Variants in NAALADL2 observed in about 807,000 individuals in gnomAD.
The protein encoded by NAALADL2 is N-acetylated alpha-linked acidic dipeptidase like 2, also known as inactive N-acetylated-alpha-linked acidic dipeptidase-like protein 2.
In NAALADL2, 76 loss-of-function variants were observed where a neutral mutation model predicts 87.2. The ratio of observed to expected loss-of-function variants is 0.87; its 90% CI spans 0.72 to 1.05. The LOEUF (loss-of-function observed/expected upper bound fraction) is 1.05, where lower values mean the gene tolerates loss of function less well. Among genes scored for constraint, NAALADL2 ranks in the 50% least tolerant of loss-of-function variants. The pLI, the probability that NAALADL2 is intolerant of heterozygous loss-of-function variation, is 0.00. For missense variants in NAALADL2, 1,089 were observed against 945.8 expected (o/e 1.15, Z -1.99); for synonymous variants, 354 against 331.0 (o/e 1.07, Z -0.75).
intron 3 of NAALADL2, among the ~76,000 whole-genome samples, chr3:174,787,621 A>ACACACAT (rs1578931205): frequency 9.2e-6 from 1 of 109,238 alleles, no homozygotes; most frequent in African/African-American, 3.1e-5. Context: ...ATATATATAT[A>ACACACAT]GTAGTGACTC....
At chr3:174,519,349 C>CA (rs1720125929) in intron 1 of NAALADL2, among the ~76,000 whole-genome samples, 2 of 129,336 alleles carry the variant, frequency 1.5e-5, no homozygotes, top group African/African-American at 6.0e-5. Flanking sequence ...TTTTTTGAGA[C>CA]AGAGTTTCAC....
At chr3:175,737,117 G>A (rs932851149) in intron 11 of NAALADL2, among the ~76,000 whole-genome samples, 189 bp from the exon 12 acceptor site, 2 of 151,908 alleles carry the variant, frequency 1.3e-5, no homozygotes, top group Non-Finnish European at 2.9e-5. Context: ...AGATACTGAG[G>A]TCTTTTTCTT....
At chr3:175,507,260 C>T (rs1330250692) in intron 9 of NAALADL2, among the ~76,000 whole-genome samples, 1 of 152,114 alleles carries the variant, frequency 6.6e-6, no homozygotes, top group African/African-American at 2.4e-5. Context: ...TGATCTACTC[C>T]TCTTCAGATA....
At chr3:175,488,733 A>T in intron 9 of NAALADL2, among the ~76,000 whole-genome samples, 1 of 152,350 alleles carries the variant, frequency 6.6e-6, no homozygotes, top group Middle Eastern at 3.4e-3. Flanking sequence ...TCTACTGATA[A>T]GTTATTGGAA....
chr3:175,772,869 T>G (rs1288780880), intron 13 of NAALADL2, among the ~76,000 whole-genome samples: 1 of 152,060 alleles, frequency 6.6e-6, no homozygotes, highest in Non-Finnish European at 1.5e-5. Flanking sequence ...TAGTGTTTCT[T>G]CTGCAACATT....
intron 9 of NAALADL2, among the ~76,000 whole-genome samples, chr3:175,552,010 A>G (rs536534358): frequency 6.6e-6 from 1 of 151,974 alleles, no homozygotes; most frequent in South Asian, 2.1e-4. Flanking sequence ...ATGTCAATGT[A>G]TCATTATTTT....
At chr3:175,647,492 CGTG>C (rs1730172425) in intron 11 of NAALADL2, among the ~76,000 whole-genome samples, 1 of 152,058 alleles carries the variant, frequency 6.6e-6, no homozygotes, top group South Asian at 2.1e-4. Flanking sequence ...TCATATTTCT[CGTG>C]GTGACAATTA....
chr3:175,237,396 A>G (rs1462535405), intron 3 of NAALADL2, among the ~76,000 whole-genome samples: 1 of 152,152 alleles, frequency 6.6e-6, no homozygotes, highest in Non-Finnish European at 1.5e-5. Context: ...TTACTTGAGC[A>G]CCATTTTTAT....
In NAALADL2 at chr3:175,609,107, GA is replaced by G. The variant is rs556238329; in HGVS notation, c.1801-18180del. Among the ~76,000 whole-genome samples, 150 of 151,802 alleles carry G rather than the reference GA, an allele frequency of 9.9e-4. 1 individual carries two copies. Among genetic ancestry groups the G allele is most frequent in the African/African-American group, 3.4e-3 (141 of 41,410 alleles). ...TAATTGCAGGATCATGAAATAGAATGAAAATAGACACCCAGATTAACAAAAG... is the reference window on the plus strand; with the variant it reads ...TAATTGCAGGATCATGAAATAGAATGAAATAGACACCCAGATTAACAAAAG... On this transcript the variant is annotated intron_variant, in intron 10 of 13. Coordinates refer to ENST00000454872, the MANE Select transcript of NAALADL2 (RefSeq NM_207015.3).
chr3:175,348,213 A>G (rs151300515), intron 5 of NAALADL2, among the ~76,000 whole-genome samples: 10,606 of 152,054 alleles, frequency 0.07, 368 homozygotes, highest in Middle Eastern at 0.088. Flanking sequence ...CACCACGCCC[A>G]GCTAATTTTG....
chr3:175,629,056 T>A (rs1156855454), intron 11 of NAALADL2, among the ~76,000 whole-genome samples: 9 of 150,334 alleles, frequency 6.0e-5, no homozygotes, highest in African/African-American at 2.2e-4. Flanking sequence ...TATAACAGGA[T>A]AGAAGTGCAC....
intron 2 of NAALADL2, among the ~76,000 whole-genome samples, chr3:174,713,940 C>T (rs983789609): frequency 1.3e-5 from 2 of 152,064 alleles, no homozygotes; most frequent in African/African-American, 4.8e-5. Flanking sequence ...TTAGGTCTAA[C>T]ATTTAAGTCT....
At chr3:175,118,605 G>C (rs190253740) in intron 2 of NAALADL2, among the ~76,000 whole-genome samples, 1 of 151,596 alleles carries the variant, frequency 6.6e-6, no homozygotes, top group African/African-American at 2.4e-5. Flanking sequence ...AACTTATTTG[G>C]TTGTCTCTTT....
intron 2 of NAALADL2, among the ~76,000 whole-genome samples, chr3:174,660,850 C>A (rs181223200): frequency 3.3e-5 from 5 of 152,120 alleles, no homozygotes; most frequent in Non-Finnish European, 5.9e-5. Flanking sequence ...ACCCAGAGTA[C>A]CTTTTATAAA....
rs184545378 is a variant in NAALADL2 at position 175,181,209 on chromosome 3, C to T, written c.546-52722C>T. Among the ~76,000 whole-genome samples the T allele has an allele frequency of 9.9e-4, 150 of 152,124 alleles. 2 individuals carry two copies. Among genetic ancestry groups the T allele is most frequent in the East Asian group, 5.8e-4 (3 of 5,170 alleles). The stretch of plus-strand genomic sequence containing the variant: ...CCTAGTTTTCCCACACAGTGTAGTA[C>T]CAAACCCCCTGAAATCATATATTTG... On this transcript the variant is annotated intron_variant, in intron 2 of 13. Coordinates refer to ENST00000454872, the MANE Select transcript of NAALADL2 (RefSeq NM_207015.3).
chr3:175,668,457 CTG>C (rs1005693795), intron 11 of NAALADL2, among the ~76,000 whole-genome samples: 2 of 151,886 alleles, frequency 1.3e-5, no homozygotes, highest in Non-Finnish European at 2.9e-5. Flanking sequence ...GAAAATGAGA[CTG>C]TCTAAAAACT....
chr3:175,597,072 CTT>C lies in NAALADL2; in HGVS notation c.1800+20888_1800+20889del, dbSNP rs375605080. Reference sequence around the variant, plus strand: ...CCTCTTTAGAGAGAATGCATAATGACTTTTATTTCTTCTGAAATATGCATAAC... The same window carrying C: ...CCTCTTTAGAGAGAATGCATAATGACTTATTTCTTCTGAAATATGCATAAC... On this transcript the variant is annotated intron_variant, in intron 10 of 13. Coordinates refer to ENST00000454872, the MANE Select transcript of NAALADL2 (RefSeq NM_207015.3). Among the ~76,000 whole-genome samples the C allele has an allele frequency of 1.8e-3, 277 of 152,046 alleles. 1 individual carries two copies. The highest frequency in any genetic ancestry group is 6.3e-3 in the African/African-American group (261 of 41,554).
intron 2 of NAALADL2, among the ~76,000 whole-genome samples, chr3:175,172,762 A>G (rs1204801026): frequency 2.0e-5 from 3 of 152,156 alleles, no homozygotes; most frequent in Admixed American, 6.5e-5. Flanking sequence ...GAAATGAGGC[A>G]GTGAGTTCTA....
chr3:174,819,421 A>C (rs1721182678), intron 3 of NAALADL2, among the ~76,000 whole-genome samples: 1 of 151,982 alleles, frequency 6.6e-6, no homozygotes, highest in Non-Finnish European at 1.5e-5. Context: ...TTTTATAAAC[A>C]ATCAGCAAAA....
Sources: allele counts gnomAD v4.1 joint callset (sites outside exome capture counted in the v4.1 genomes callset), GRCh38; gene constraint gnomAD v4.1.1; transcripts MANE v1.5; gene names NCBI Gene and HGNC (gene_info 2026-07-23, HGNC 2026-07-21).